The following KCNH8 variants were observed in gnomAD, a reference collection of about 807,000 sequenced individuals.
The protein encoded by KCNH8 is potassium voltage-gated channel subfamily H member 8.
Under a neutral mutation model 103.6 loss-of-function variants are expected in KCNH8, and 70 were observed. The observed-to-expected ratio is 0.68, with a 90% CI of 0.56 to 0.82. The LOEUF is 0.82. Ranked by LOEUF, KCNH8 falls within the 40% of genes least tolerant of loss-of-function variation. The probability of loss-of-function intolerance (pLI) is 0.00; values close to 1 mark genes in which losing one functional copy is unlikely to be tolerated. For synonymous variants in KCNH8, 498 were observed against 489.4 expected, an observed-to-expected ratio of 1.02 and a Z score of -0.23; for missense variants, 1,217 against 1,329.9, an observed-to-expected ratio of 0.92 and a Z score of 1.32.
At chr3:19,330,382 A>G (rs1015079897) in intron 3 of KCNH8, among the ~76,000 whole-genome samples, 10 of 152,148 alleles carry the variant, frequency 6.6e-5, no homozygotes, top group Non-Finnish European at 8.8e-5. Flanking sequence ...CCAACCATAT[A>G]TGATCTAGAC....
At chr3:19,313,298 A>G (rs967737821) in intron 3 of KCNH8, among the ~76,000 whole-genome samples, 2 of 151,806 alleles carry the variant, frequency 1.3e-5, no homozygotes, top group Admixed American at 6.6e-5. Flanking sequence ...TCTGCAGTAT[A>G]GTAAAAAAAA....
intron 3 of KCNH8, among the ~76,000 whole-genome samples, chr3:19,335,944 A>G (rs185711265): frequency 2.0e-5 from 3 of 151,482 alleles, no homozygotes; most frequent in East Asian, 3.9e-4. Context: ...CCAAAAGTTT[A>G]ATTCTCTTAT....
At chr3:19,192,416 C>A (rs2063562045) in intron 1 of KCNH8, among the ~76,000 whole-genome samples, 1 of 151,596 alleles carries the variant, frequency 6.6e-6, no homozygotes, top group African/African-American at 2.4e-5. Context: ...TGCTTATCAT[C>A]CAATATTTCT....
intron 1 of KCNH8, among the ~76,000 whole-genome samples, chr3:19,241,713 T>TACAC (rs566476894): frequency 1.5e-5 from 2 of 134,410 alleles, no homozygotes; most frequent in African/African-American, 5.7e-5. Flanking sequence ...GTTATAAAAA[T>TACAC]ACACACACAG....
At chr3:19,189,494 G>A (rs1428396347) in intron 1 of KCNH8, among the ~76,000 whole-genome samples, 1 of 151,752 alleles carries the variant, frequency 6.6e-6, no homozygotes, top group Non-Finnish European at 1.5e-5. Flanking sequence ...GGTCTTCATA[G>A]CAATATTTTA....
intron 1 of KCNH8, among the ~76,000 whole-genome samples, chr3:19,217,623 A>T (rs966105403): frequency 2.0e-5 from 3 of 152,196 alleles, no homozygotes; most frequent in African/African-American, 4.8e-5. Context: ...ACAGATATGT[A>T]AACTGAGGAA....
intron 1 of KCNH8, among the ~76,000 whole-genome samples, chr3:19,149,945 G>A (rs2063112723): frequency 6.6e-6 from 1 of 152,192 alleles, no homozygotes; most frequent in African/African-American, 2.4e-5. Flanking sequence ...TGGGAAGCAA[G>A]TCTTGGACTT....
In KCNH8 at chr3:19,342,579, T is replaced by C. The variant is rs1485370508; in HGVS notation, c.443-8T>C. 2.2e-5 allele frequency: 36 copies of C among 1,607,540 alleles called. No homozygotes were observed. Among genetic ancestry groups the C allele is most frequent in the Non-Finnish European group, 2.6e-5 (30 of 1,176,032 alleles). ...CATGTGTGTCTAATGAGTTTTATTTTCCCCCAGACAAAGTCAAAGGAAGAT... is the reference window on the plus strand; with the variant it reads ...CATGTGTGTCTAATGAGTTTTATTTCCCCCCAGACAAAGTCAAAGGAAGAT... On this transcript the variant is annotated splice_region_variant and splice_polypyrimidine_tract_variant and intron_variant, in intron 3 of 15. Coordinates refer to ENST00000328405, the MANE Select transcript of KCNH8 (RefSeq NM_144633.3).
intron 5 of KCNH8, among the ~76,000 whole-genome samples, chr3:19,366,387 T>A (rs915400995): frequency 6.6e-6 from 1 of 152,106 alleles, no homozygotes; most frequent in Non-Finnish European, 1.5e-5. Context: ...AGGAAAATTG[T>A]CTTAGCATGT....
At chr3:19,174,877 G>T (rs2063382674) in intron 1 of KCNH8, among the ~76,000 whole-genome samples, 4 of 152,116 alleles carry the variant, frequency 2.6e-5, no homozygotes, top group Admixed American at 1.3e-4. Context: ...TCCATCCATG[G>T]TTGTTTTGTT....
intron 1 of KCNH8, among the ~76,000 whole-genome samples, chr3:19,238,043 G>C (rs900625711): frequency 1.3e-5 from 2 of 152,274 alleles, no homozygotes; most frequent in East Asian, 1.9e-4. Flanking sequence ...AATTCAAAAA[G>C]CATGGCAAGA....
chr3:19,232,654 T>A lies in KCNH8; in HGVS notation c.77-21000T>A, dbSNP rs138950789. On this transcript the variant is annotated intron_variant, in intron 1 of 15. Coordinates refer to ENST00000328405, the MANE Select transcript of KCNH8 (RefSeq NM_144633.3). ...AGTCACTGGCACACTGTTTCCCGTTTGGCTTAGATTCTTTGTGAAATGCAC... is the reference window on the plus strand; with the variant it reads ...AGTCACTGGCACACTGTTTCCCGTTAGGCTTAGATTCTTTGTGAAATGCAC... Among the ~76,000 whole-genome samples the A allele has an allele frequency of 1.3e-4, 20 of 152,340 alleles. No homozygotes were observed. In the East Asian group the frequency reaches 2.1e-3, roughly 16 times the overall value.
At position 19,452,857 on chromosome 3, in the gene KCNH8, T is replaced by C. The variant is rs187753561; in HGVS notation, c.1825+1453T>C. On this transcript the variant is annotated intron_variant, in intron 10 of 15. Transcript: ENST00000328405. ...CTCTGTATTCAGCATTCCTTCCATGTCTAAACAATATCTATTTTTCTAATT... is the reference window on the plus strand; with the variant it reads ...CTCTGTATTCAGCATTCCTTCCATGCCTAAACAATATCTATTTTTCTAATT... Among the ~76,000 whole-genome samples the C allele has an allele frequency of 5.1e-4, 77 of 152,254 alleles. 2 individuals carry two copies. In the East Asian group the frequency reaches 0.012, roughly 23 times the overall value.
intron 7 of KCNH8, among the ~76,000 whole-genome samples, chr3:19,428,094 C>A (rs1379848829): frequency 6.6e-6 from 1 of 152,206 alleles, no homozygotes; most frequent in Non-Finnish European, 1.5e-5. Context: ...GATGTCCACC[C>A]TTTGTTGTTT....
At chr3:19,335,475 A>G (rs71613636) in intron 3 of KCNH8, among the ~76,000 whole-genome samples, 10 of 66,962 alleles carry the variant, frequency 1.5e-4, no homozygotes, top group Admixed American at 8.2e-4. Context: ...GTGTATATAT[A>G]TGTGTGTGTA....
At chr3:19,213,849 G>A (rs916183407) in intron 1 of KCNH8, among the ~76,000 whole-genome samples, 1 of 152,098 alleles carries the variant, frequency 6.6e-6, no homozygotes, top group Non-Finnish European at 1.5e-5. Flanking sequence ...TGGGTAGGAG[G>A]ACATCTAGTG....
chr3:19,521,579 G>C (rs2125248255), intron 15 of KCNH8, among the ~76,000 whole-genome samples: 1 of 152,022 alleles, frequency 6.6e-6, no homozygotes, highest in South Asian at 2.1e-4. Flanking sequence ...ATAAGTGAGA[G>C]AGGATCAATG....
intron 2 of KCNH8, among the ~76,000 whole-genome samples, chr3:19,265,917 C>G (rs762760648): frequency 1.3e-5 from 2 of 152,070 alleles, no homozygotes; most frequent in Non-Finnish European, 2.9e-5. Flanking sequence ...ACCAGAAATT[C>G]ATGCTTCCTG....
chr3:19,440,474 G>A (rs950408951), intron 8 of KCNH8, among the ~76,000 whole-genome samples: 1 of 152,192 alleles, frequency 6.6e-6, no homozygotes, highest in African/African-American at 2.4e-5. Flanking sequence ...AAGAGCACAA[G>A]CACATTTCAC....
Sources: allele counts gnomAD v4.1 joint callset (sites outside exome capture counted in the v4.1 genomes callset), GRCh38; gene constraint gnomAD v4.1.1; transcripts MANE v1.5; gene names NCBI Gene and HGNC (gene_info 2026-07-23, HGNC 2026-07-21).